Variants in GALNT1 observed in about 807,000 individuals in gnomAD.
GALNT1 encodes polypeptide N-acetylgalactosaminyltransferase 1, also known as GalNAc transferase 1.
GALNT1 carries 17 observed loss-of-function variants against 65.7 expected under a neutral mutation model. That is an observed-to-expected ratio of 0.26 (90% CI 0.18 to 0.39). The LOEUF (loss-of-function observed/expected upper bound fraction) is 0.39, where lower values mean the gene tolerates loss of function less well. Ranked by LOEUF, GALNT1 falls within the 10% of genes least tolerant of loss-of-function variation. The pLI, the probability that GALNT1 is intolerant of heterozygous loss-of-function variation, is 1.00. For synonymous variants in GALNT1, 210 were observed against 219.7 expected (o/e 0.96, Z 0.39); for missense variants, 460 against 672.8 (o/e 0.68, Z 3.50).
intron 1 of GALNT1, among the ~76,000 whole-genome samples, chr18:35,625,555 A>T (rs897939775): frequency 6.6e-6 from 1 of 152,324 alleles, no homozygotes; most frequent in African/African-American, 2.4e-5. Context: ...TGCCTTAGGG[A>T]TAGAGAAAAA....
chr18:35,581,589 GC>G (rs759532394), upstream of GALNT1, among the ~76,000 whole-genome samples: 131,233 of 136,032 alleles, frequency 0.96, 63,221 homozygotes, highest in East Asian at 1. Context: ...GGCAGGCGGC[GC>G]GCATGCGGGG....
chr18:35,645,226 T>G (rs1294883057), intron 1 of GALNT1, among the ~76,000 whole-genome samples: 55 of 127,600 alleles, frequency 4.3e-4, no homozygotes, highest in African/African-American at 1.4e-3. Flanking sequence ...ATGTTTTTTT[T>G]TTTTTTTTTT....
intron 11 of GALNT1, 119 bp from the exon 12 acceptor site, chr18:35,709,505 T>G (rs1395297420): frequency 1.1e-6 from 1 of 948,820 alleles, no homozygotes; most frequent in Non-Finnish European, 1.6e-6. Context: ...CCGTTGTCTT[T>G]TAAATAATGT....
At chr18:35,636,765 C>G (rs574196027) in intron 1 of GALNT1, among the ~76,000 whole-genome samples, 70 of 133,452 alleles carry the variant, frequency 5.2e-4, no homozygotes, top group African/African-American at 1.8e-3. Flanking sequence ...TTTTATTGTA[C>G]TTCACAGATA....
At position 35,692,223 on chromosome 18, in the gene GALNT1, G is replaced by A. The variant is rs142387342; in HGVS notation, c.1202G>A (p.Gly401Asp). 1 of 1,610,732 alleles carries A rather than the reference G, an allele frequency of 6.2e-7. No individual in the cohort carries two copies. Among genetic ancestry groups the A allele is most frequent in the Non-Finnish European group, 8.5e-7 (1 of 1,177,704 alleles). Residue 401 changes from glycine (G) to aspartate (D), a missense_variant, in exon 9 of 12, where the codon GGT (glycine) becomes GAT (aspartate). Transcript: ENST00000269195. Reference protein sequence around the residue: ...VDYGDISSRVGLRHKLQCKPF... With the variant: ...VDYGDISSRVDLRHKLQCKPF... ...TATGGAGATATATCGTCAAGAGTTG[G>A]TCTAAGACACAAACTACAATGCAAA...
At chr18:35,605,909 A>G (rs1265783149) in intron 1 of GALNT1, among the ~76,000 whole-genome samples, 1 of 152,218 alleles carries the variant, frequency 6.6e-6, no homozygotes, top group Non-Finnish European at 1.5e-5. Context: ...ATAAGAAGGT[A>G]TAGCACTGTG....
chr18:35,627,930 C>T (rs568624235), intron 1 of GALNT1, among the ~76,000 whole-genome samples: 4 of 150,554 alleles, frequency 2.7e-5, no homozygotes, highest in Non-Finnish European at 5.9e-5. Context: ...TATCCCGTGC[C>T]TGGCTCGGAG....
chr18:35,673,639 T>C (rs936868698), intron 3 of GALNT1, among the ~76,000 whole-genome samples: 9 of 152,208 alleles, frequency 5.9e-5, no homozygotes, highest in Non-Finnish European at 1.2e-4. Context: ...AGTCTCACTT[T>C]GTTGCCCAGG....
At chr18:35,589,344 G>A (rs916101929) in intron 1 of GALNT1, among the ~76,000 whole-genome samples, 25 of 152,302 alleles carry the variant, frequency 1.6e-4, no homozygotes, top group African/African-American at 4.8e-4. Flanking sequence ...CGGGGAGTAC[G>A]TGAAGTCTAG....
At chr18:35,612,301 A>G (rs973016206) in intron 1 of GALNT1, among the ~76,000 whole-genome samples, 3 of 152,220 alleles carry the variant, frequency 2.0e-5, no homozygotes, top group African/African-American at 7.2e-5. Flanking sequence ...AGAAGGAGAT[A>G]TAATTGGACA....
At chr18:35,706,353 C>T (rs1183435002) in intron 11 of GALNT1, among the ~76,000 whole-genome samples, 2 of 151,902 alleles carry the variant, frequency 1.3e-5, no homozygotes, top group Non-Finnish European at 2.9e-5. Context: ...AAAAAATACA[C>T]CATACAGGCA....
At chr18:35,709,534 C>A (rs1292424836) in intron 11 of GALNT1, 90 bp from the exon 12 acceptor site, 2 of 1,383,142 alleles carry the variant, frequency 1.4e-6, no homozygotes, top group African/African-American at 1.5e-5. Context: ...AAAAAAAACA[C>A]CTTTTCTGCA....
chr18:35,667,703 A>G (rs2047569685), intron 3 of GALNT1, among the ~76,000 whole-genome samples: 1 of 152,160 alleles, frequency 6.6e-6, no homozygotes, highest in African/African-American at 2.4e-5. Flanking sequence ...GAATCCAGGT[A>G]GAATGCCTTA....
intron 9 of GALNT1, among the ~76,000 whole-genome samples, chr18:35,698,614 T>C (rs1318878133): frequency 6.6e-6 from 1 of 152,174 alleles, no homozygotes; most frequent in Non-Finnish European, 1.5e-5. Context: ...TTAGCACAAA[T>C]ATAGACATTT....
chr18:35,632,711 A>C (rs1272073124), intron 1 of GALNT1, among the ~76,000 whole-genome samples: 1 of 152,212 alleles, frequency 6.6e-6, no homozygotes, highest in African/African-American at 2.4e-5. Context: ...GGATCTCATT[A>C]AACTAAAGAG....
chr18:35,616,184 T>G (rs1162736441), intron 1 of GALNT1, among the ~76,000 whole-genome samples: 1 of 152,206 alleles, frequency 6.6e-6, no homozygotes, highest in Admixed American at 6.5e-5. Flanking sequence ...TTTATGTAAA[T>G]TGCAGAGGTA....
chr18:35,641,855 G>A (rs755436528), intron 1 of GALNT1, among the ~76,000 whole-genome samples: 25 of 152,020 alleles, frequency 1.6e-4, no homozygotes, highest in African/African-American at 3.1e-4. Context: ...ATCAGGGGTC[G>A]GTGTGATGAC....
chr18:35,637,917 C>A (rs947791233), intron 1 of GALNT1, among the ~76,000 whole-genome samples: 4 of 152,234 alleles, frequency 2.6e-5, no homozygotes, highest in Non-Finnish European at 4.4e-5. Context: ...TAAATCTATT[C>A]TGCCTCTGCT....
At chr18:35,703,775 G>A in intron 11 of GALNT1, 132 bp downstream of exon 11, 1 of 802,146 alleles carries the variant, frequency 1.2e-6, no homozygotes, top group Non-Finnish European at 1.8e-6. Context: ...ACTAAATATT[G>A]ACAGGCGGGA....
Sources: gnomAD v4.1 joint callset for allele counts (sites outside exome capture counted in the v4.1 genomes callset) on GRCh38, gnomAD v4.1.1 for gene constraint, MANE v1.5 for transcripts, NCBI Gene and HGNC (gene_info 2026-07-23, HGNC 2026-07-21) for gene names.